USP35: variants seen among roughly 807,000 people sequenced by gnomAD.
The protein encoded by USP35 is ubiquitin specific peptidase 35, also known as ubiquitin carboxyl-terminal hydrolase 35.
USP35 carries 69 observed loss-of-function variants against 83.8 expected under a neutral mutation model. That is an observed-to-expected ratio of 0.82 (90% confidence interval 0.68 to 1.01). The LOEUF (loss-of-function observed/expected upper bound fraction) is 1.01. USP35 is among the 50% of genes least tolerant of loss of function. The pLI is 0.00. For missense variants in USP35, 1,503 were observed against 1,362.5 expected (o/e 1.10, Z -1.62); for synonymous variants, 714 against 589.5 (o/e 1.21, Z -3.06).
rs574908510 is a variant in USP35 at position 78,208,937 on chromosome 11, G to A, written c.1566G>A (p.Ser522=). The stretch of plus-strand genomic sequence containing the variant: ...GCCCTGGCACCCAGCAGGACTGCTC[G>A]GAGTATCTGAAGTACCTGCTGGATC... The part of the protein sequence containing the change: ...WFSPGTQQDC[S]EYLKYLLDRL... The change falls in exon 9 of 11, where the codon TCG becomes TCA. Residue 522 remains serine, a synonymous_variant. Transcript: ENST00000529308. 1.4e-5 allele frequency: 23 copies of A among 1,614,180 alleles called. No individual in the cohort carries two copies. The highest frequency in any genetic ancestry group is 1.2e-4 in the South Asian group (11 of 91,078).
At chr11:78,225,193 C>A in the USP35 span, 4 of 1,608,506 alleles carry the variant, frequency 2.5e-6, no homozygotes, top group South Asian at 3.3e-5. Context: ...GTAGGTCTCA[C>A]AGGAAGAAGC....
the USP35 span, chr11:78,226,887 C>T: frequency 1.2e-6 from 2 of 1,614,104 alleles, no homozygotes; most frequent in East Asian, 4.5e-5. Flanking sequence ...GGTACTGTCT[C>T]TGAATTCTGT....
chr11:78,213,534 T>A, intron 10 of USP35, 112 bp from the exon 11 acceptor site: 1 of 1,262,402 alleles, frequency 7.9e-7, no homozygotes, highest in Non-Finnish European at 1.0e-6. Context: ...TCTCTGTGTG[T>A]CCAGGCCCTG....
chr11:78,236,635 C>G, the USP35 span, among the ~76,000 whole-genome samples: 1 of 152,152 alleles, frequency 6.6e-6, no homozygotes, highest in Non-Finnish European at 1.5e-5. Flanking sequence ...TAAAGAAGTT[C>G]TCCTCAATTC....
chr11:78,201,745 C>G (rs1863366778), intron 6 of USP35, among the ~76,000 whole-genome samples: 2 of 152,124 alleles, frequency 1.3e-5, no homozygotes, highest in African/African-American at 2.4e-5. Context: ...ATTTCAATCT[C>G]ATAGATGAGG....
chr11:78,220,724 A>G, the USP35 span, among the ~76,000 whole-genome samples: 1 of 152,252 alleles, frequency 6.6e-6, no homozygotes, highest in African/African-American at 2.4e-5. Flanking sequence ...GAGTGATGGG[A>G]ATCAGGTCTG....
intron 5 of USP35, 128 bp downstream of exon 5, chr11:78,200,362 AG>A: frequency 8.8e-7 from 1 of 1,138,496 alleles, no homozygotes; most frequent in Non-Finnish European, 1.3e-6. Flanking sequence ...CACTTGGCTG[AG>A]GCCAAGCAGC....
chr11:78,189,673 G>A (rs191910936), intron 1 of USP35, among the ~76,000 whole-genome samples: 4 of 152,268 alleles, frequency 2.6e-5, no homozygotes, highest in African/African-American at 9.6e-5. Context: ...GGTGGAGTGC[G>A]GCCCTCACAG....
chr11:78,213,314 G>T (rs867466217), intron 10 of USP35, among the ~76,000 whole-genome samples: 1 of 152,140 alleles, frequency 6.6e-6, no homozygotes, highest in Non-Finnish European at 1.5e-5. Flanking sequence ...CATTCCTCGT[G>T]ATCATGAGGC....
In USP35 at chr11:78,210,429, G is replaced by A. The variant is rs61760230; in HGVS notation, c.2574G>A (p.Ser858=). ...TGGTGGTGCACTCTGGAGTGTCTTC[G>A]GAGAGTGGTCACTACTACTGCTATG... is the stretch of plus-strand genomic sequence containing the variant. The part of the protein sequence containing the change: ...CSVVVHSGVS[S]ESGHYYCYAR... The change falls in exon 10 of 11, where the codon TCG becomes TCA. Residue 858 remains serine, a synonymous_variant. Coordinates refer to ENST00000529308, the MANE Select transcript of USP35 (RefSeq NM_020798.4). 2.1e-4 allele frequency: 337 copies of A among 1,614,144 alleles called. No homozygotes were observed. Among genetic ancestry groups the A allele is most frequent in the South Asian group, 1.3e-3 (122 of 91,088 alleles).
the USP35 span, chr11:78,226,956 T>C: frequency 1.2e-5 from 19 of 1,613,536 alleles, no homozygotes; most frequent in Middle Eastern, 1.6e-4. Flanking sequence ...ACTGATCCCG[T>C]TGACACAGTG....
chr11:78,198,256 A>G (rs558978920), intron 3 of USP35, among the ~76,000 whole-genome samples, 188 bp downstream of exon 3: 1 of 152,180 alleles, frequency 6.6e-6, no homozygotes, highest in Non-Finnish European at 1.5e-5. Context: ...GATGTGGGGG[A>G]CACAGAGAGC....
intron 10 of USP35, among the ~76,000 whole-genome samples, chr11:78,210,961 T>A (rs555623451): frequency 1.3e-5 from 2 of 152,346 alleles, no homozygotes; most frequent in South Asian, 4.2e-4. Flanking sequence ...ATTTTTTAAG[T>A]TCCAGGGTAC....
Position 78,210,192 on chromosome 11 carries a change from C to T in USP35, c.2337C>T (p.Arg779=). 6.2e-7 allele frequency: 1 copy of T among 1,614,074 alleles called. No homozygotes were observed. The highest frequency in any genetic ancestry group is 8.5e-7 in the Non-Finnish European group (1 of 1,180,002). The change falls in exon 10 of 11, where the codon CGC becomes CGT. Residue 779 remains arginine, a synonymous_variant. Transcript: ENST00000529308. ...CCGAGAAGCTGACAGCAGAAAACCG[C>T]TACTACTGCGAGTCGTGTGCCTCCC... The part of the protein sequence containing the change: ...LSPEKLTAEN[R]YYCESCASLQ...
At position 78,210,520 on chromosome 11, in the gene USP35, CA is replaced by C; in HGVS notation, c.2666del (p.Gln889ArgfsTer62). The C allele has an allele frequency of 9.3e-6, 15 of 1,613,778 alleles. No individual in the cohort carries two copies. The highest frequency in any genetic ancestry group is 1.3e-5 in the Non-Finnish European group (15 of 1,179,648). ...TGCCGATAGGCCAGAGCCCGAGAAC[CA>C]GTGGTACCTGTTCAATGACACTCGG... ...GTADRPEPEN[Q>X]WYLFNDTRVS... On this transcript the variant is annotated frameshift_variant, in exon 10 of 11. Coordinates refer to ENST00000529308, the MANE Select transcript of USP35 (RefSeq NM_020798.4). LOFTEE classifies it high-confidence loss of function.
rs561951293 is a variant in USP35 at position 78,210,301 on chromosome 11, C to T, written c.2446C>T (p.Arg816Cys). 8 of 1,613,908 alleles carry T rather than the reference C, an allele frequency of 5.0e-6. No individual in the cohort carries two copies. Among genetic ancestry groups the T allele is most frequent in the East Asian group, 2.2e-5 (1 of 44,888 alleles). Residue 816 changes from arginine to cysteine, a missense_variant, in exon 10 of 11, where the codon CGC becomes TGC. Physicochemically the swap from Arg to Cys is radical, Grantham distance 180 (BLOSUM62 -3). Transcript: ENST00000529308. ...LTLLRFSFDL[R>C]TMRRRKILDD... is the part of the protein sequence containing the mutation. Reference sequence around the variant, plus strand: ...ACTGCTGCGCTTCTCTTTCGACCTGCGCACCATGCGGCGCCGCAAGATCCT... The same window carrying T: ...ACTGCTGCGCTTCTCTTTCGACCTGTGCACCATGCGGCGCCGCAAGATCCT...
chr11:78,236,465 C>T, the USP35 span, among the ~76,000 whole-genome samples: 218 of 152,228 alleles, frequency 1.4e-3, no homozygotes, highest in Non-Finnish European at 1.6e-3. Context: ...ATTTATTTTT[C>T]TTCCTCCATG....
intron 8 of USP35, 26 bp from the exon 9 acceptor site, chr11:78,208,831 C>T: frequency 6.2e-7 from 1 of 1,613,192 alleles, no homozygotes; most frequent in Non-Finnish European, 8.5e-7. Context: ...TGCTCCTGAC[C>T]ATGCCTTTCG....
chr11:78,201,881 A>G (rs1480761660), intron 6 of USP35, among the ~76,000 whole-genome samples: 2 of 152,114 alleles, frequency 1.3e-5, no homozygotes, highest in African/African-American at 4.8e-5. Context: ...GGTGGGGTGA[A>G]GGGGTCTAGG....
Sources: gnomAD v4.1 joint callset for allele counts (sites outside exome capture counted in the v4.1 genomes callset) on GRCh38, gnomAD v4.1.1 for gene constraint, MANE v1.5 for transcripts, NCBI Gene and HGNC (gene_info 2026-07-23, HGNC 2026-07-21) for gene names.